Variants in SORL1 observed in about 807,000 individuals in gnomAD.
SORL1 encodes sortilin-related receptor.
SORL1 carries 127 observed loss-of-function variants against 273.7 expected under a neutral mutation model. That is an observed-to-expected ratio of 0.46 (90% CI 0.40 to 0.54). The LOEUF is 0.54. SORL1 is among the 20% of genes least tolerant of loss of function. The probability of loss-of-function intolerance (pLI) is 0.00; values close to 1 mark genes in which losing one functional copy is unlikely to be tolerated. For missense variants in SORL1, 2,494 were observed against 2,846.1 expected, an observed-to-expected ratio of 0.88 and a Z score of 2.81; for synonymous variants, 1,031 against 1,067.4, an observed-to-expected ratio of 0.97 and a Z score of 0.66.
Position 121,595,730 on chromosome 11 carries a change from G to T in SORL1, c.4477G>T (p.Gly1493Cys). The change falls in exon 32 of 48, where the codon GGC becomes TGC. Residue 1493 changes from glycine to cysteine, a missense_variant. Gly to Cys is a radical substitution (Grantham distance 159). Around this residue, in one of 3 missense-constraint regions of SORL1, gnomAD observed 1,609 missense variants for 1,816.4 expected, o/e 0.89. Transcript: ENST00000260197. This position sits in a 1 kb window ranked among gnomAD's most constrained non-coding sequence, Gnocchi z 5.1. ...TCIPNWKRCD[G>C]HQDCQDGRDE... is the part of the protein sequence containing the mutation. ...TATTCCCAACTGGAAGCGCTGTGAC[G>T]GCCACCAAGATTGCCAGGATGGCCG... 1 of 1,613,938 alleles carries T rather than the reference G, an allele frequency of 6.2e-7. No homozygotes were observed. Among genetic ancestry groups the T allele is most frequent in the Non-Finnish European group, 8.5e-7 (1 of 1,180,030 alleles).
At chr11:121,489,493 G>A (rs546875773) in intron 4 of SORL1, among the ~76,000 whole-genome samples, 2 of 152,270 alleles carry the variant, frequency 1.3e-5, no homozygotes, top group East Asian at 3.9e-4. Context: ...ACTTTGTGAT[G>A]GACTTATTTC....
rs750159471 is a variant in SORL1 at position 121,522,699 on chromosome 11, C to T, written c.1518C>T (p.Ala506=). 1.4e-5 allele frequency: 23 copies of T among 1,610,720 alleles called. No individual in the cohort carries two copies. In the South Asian group the frequency reaches 2.4e-4, roughly 17 times the overall value. The change falls in exon 10 of 48, where the codon GCC becomes GCT. Residue 506 remains alanine, a synonymous_variant. Transcript: ENST00000260197. ...AGTCGGCTCCAGGCCTCATCATCGC[C>T]ACTGGTAAGTGTGCTTGCCTGTTCT... is the stretch of plus-strand genomic sequence containing the variant. ...SKESAPGLII[A]TGSVGKNLAS...
At chr11:121,558,558 A>T in intron 19 of SORL1, 33 bp from the exon 20 acceptor site, 1 of 1,611,586 alleles carries the variant, frequency 6.2e-7, no homozygotes, top group East Asian at 2.2e-5. Context: ...TCTAGTATTG[A>T]TGAGGTATGT....
intron 3 of SORL1, among the ~76,000 whole-genome samples, chr11:121,483,864 C>G (rs1861433119): frequency 6.6e-6 from 1 of 152,084 alleles, no homozygotes; most frequent in African/African-American, 2.4e-5. Context: ...GAGGTTGGAT[C>G]ATAGAAGCCA....
intron 38 of SORL1, chr11:121,609,448 G>A (rs1381223215): frequency 6.6e-6 from 1 of 152,220 alleles, no homozygotes; most frequent in South Asian, 2.1e-4. Flanking sequence ...ATACCAAGAA[G>A]GGATGTTGGA....
chr11:121,572,032 A>T (rs1034924951), intron 23 of SORL1, among the ~76,000 whole-genome samples: 2 of 152,232 alleles, frequency 1.3e-5, no homozygotes, highest in African/African-American at 4.8e-5. Context: ...TCTGGGTGGG[A>T]TAGAAGATGC....
intron 14 of SORL1, among the ~76,000 whole-genome samples, chr11:121,546,000 G>A (rs571788223): frequency 6.6e-6 from 1 of 152,348 alleles, no homozygotes; most frequent in Admixed American, 6.5e-5. Flanking sequence ...GAAGGAGAGG[G>A]CTGTGGATTG....
In SORL1 at chr11:121,605,552, C is replaced by T. The variant is rs1338187974; in HGVS notation, c.4929C>T (p.Thr1643=). The T allele has an allele frequency of 1.2e-6, 2 of 1,613,812 alleles. No homozygotes were observed. The highest frequency in any genetic ancestry group is 1.7e-5 in the Admixed American group (1 of 60,006). ...SKAHNTNDFV[T]LRTPEGLPDA... is the part of the protein sequence containing the mutation. ...CACACAACACCAATGACTTTGTGACCCTGAGGACCCCAGAGGGATGTAAGT... is the reference window on the plus strand; with the variant it reads ...CACACAACACCAATGACTTTGTGACTCTGAGGACCCCAGAGGGATGTAAGT... Residue 1643 remains threonine, a synonymous_variant, in exon 35 of 48, where the codon ACC becomes ACT. Coordinates refer to ENST00000260197, the MANE Select transcript of SORL1 (RefSeq NM_003105.6).
rs772160912 is a variant in SORL1 at position 121,496,826 on chromosome 11, T to C, written c.759-43T>C. On this transcript the variant is annotated intron_variant, in intron 5 of 47. Transcript: ENST00000260197. ...GCAAAACTTCCATGCCTCTAGTAAT[T>C]AAATGTGCAAATGATAACAACCTTT... 4 of 1,553,212 alleles carry C rather than the reference T, an allele frequency of 2.6e-6. No homozygotes were observed. In the African/African-American group the frequency reaches 4.1e-5, roughly 16 times the overall value.
intron 8 of SORL1, among the ~76,000 whole-genome samples, chr11:121,518,951 CTTTTTTT>C (rs60120156): frequency 1.0e-3 from 139 of 138,680 alleles, no homozygotes; most frequent in African/African-American, 1.9e-3. Context: ...TTTTCTTTTT[CTTTTTTT>C]TTTTTTTTGA....
chr11:121,533,396 C>CGT (rs1565327012), intron 12 of SORL1, among the ~76,000 whole-genome samples: 2 of 152,096 alleles, frequency 1.3e-5, no homozygotes, highest in African/African-American at 4.8e-5. Flanking sequence ...TTTTCGATTG[C>CGT]GTCCTACATT....
At chr11:121,544,040 A>G (rs1340948352) in intron 13 of SORL1, among the ~76,000 whole-genome samples, 4 of 152,200 alleles carry the variant, frequency 2.6e-5, no homozygotes, top group African/African-American at 7.2e-5. Flanking sequence ...AGCAGTGCCA[A>G]TTGGACGTAT....
intron 31 of SORL1, among the ~76,000 whole-genome samples, chr11:121,593,638 T>G: frequency 6.7e-6 from 1 of 149,142 alleles, no homozygotes; most frequent in South Asian, 2.1e-4. Context: ...TTGGGTGGAG[T>G]GCATCCTTCA....
At chr11:121,615,244 C>T (rs1863623010) in intron 41 of SORL1, among the ~76,000 whole-genome samples, 189 bp downstream of exon 41, 1 of 152,130 alleles carries the variant, frequency 6.6e-6, no homozygotes, top group Non-Finnish European at 1.5e-5. Flanking sequence ...GATCTGTGCT[C>T]CTTTTTGAGT....
chr11:121,469,736 A>G (rs1033542621), intron 1 of SORL1, among the ~76,000 whole-genome samples: 2 of 152,236 alleles, frequency 1.3e-5, no homozygotes, highest in African/African-American at 2.4e-5. Context: ...GATGAAAATA[A>G]TCAAAGGAAT....
chr11:121,490,720 G>A (rs546758197), intron 5 of SORL1, among the ~76,000 whole-genome samples: 19 of 126,626 alleles, frequency 1.5e-4, no homozygotes, highest in Non-Finnish European at 2.8e-4. Flanking sequence ...CAGCCTGGGC[G>A]ATACAGTGAG....
At chr11:121,606,341 A>G (rs1330032420) in intron 35 of SORL1, among the ~76,000 whole-genome samples, 1 of 152,180 alleles carries the variant, frequency 6.6e-6, no homozygotes. Context: ...ATCTTTTTTC[A>G]TTGCCTAAAG....
intron 45 of SORL1, among the ~76,000 whole-genome samples, chr11:121,623,412 G>A (rs1047697170): frequency 2.4e-4 from 37 of 152,324 alleles, no homozygotes; most frequent in Admixed American, 2.3e-3. Context: ...TGATCCAGCA[G>A]TTGTAGGATT....
chr11:121,585,498 T>TACACAC (rs761065310), intron 26 of SORL1, among the ~76,000 whole-genome samples: 2,395 of 106,594 alleles, frequency 0.022, 23 homozygotes, highest in East Asian at 0.068. Context: ...AAAAAATGTA[T>TACACAC]ATACACACAC....
Sources: allele counts gnomAD v4.1 joint callset (sites outside exome capture counted in the v4.1 genomes callset), GRCh38; gene constraint gnomAD v4.1.1; regional missense constraint gnomAD v4.1.1; non-coding constraint Gnocchi (gnomAD v3.1); transcripts MANE v1.5; gene names NCBI Gene and HGNC (gene_info 2026-07-23, HGNC 2026-07-21).